Variants in TRPC4 observed in about 807,000 individuals in gnomAD.
The protein encoded by TRPC4 is short transient receptor potential channel 4.
A neutral mutation model predicts 99.4 loss-of-function variants in TRPC4; 49 were observed. The observed-to-expected ratio is 0.49, with a 90% CI of 0.39 to 0.63. The LOEUF is 0.63. Among genes scored for constraint, TRPC4 ranks in the 20% least tolerant of loss-of-function variants. The pLI, the probability that TRPC4 is intolerant of heterozygous loss-of-function variation, is 0.00. For missense variants in TRPC4, 898 were observed against 1,152.9 expected, an observed-to-expected ratio of 0.78 and a Z score of 3.20; for synonymous variants, 454 against 425.9, an observed-to-expected ratio of 1.07 and a Z score of -0.81.
intron 1 of TRPC4, among the ~76,000 whole-genome samples, chr13:37,834,064 T>G (rs1958494828): frequency 6.6e-6 from 1 of 152,206 alleles, no homozygotes; most frequent in Non-Finnish European, 1.5e-5. Context: ...TCACATAAAT[T>G]TAGTTCATCA....
intron 3 of TRPC4, among the ~76,000 whole-genome samples, chr13:37,707,316 T>C (rs998199899): frequency 2.0e-5 from 3 of 152,168 alleles, no homozygotes; most frequent in African/African-American, 7.2e-5. Context: ...AAGCAACTTG[T>C]ATGTTTTGAG....
In TRPC4 at chr13:37,825,522, T is replaced by C. The variant is rs1199149450; in HGVS notation, c.-27-42162A>G. On this transcript the variant is annotated intron_variant, in intron 1 of 10. Coordinates refer to ENST00000379705, the MANE Select transcript of TRPC4 (RefSeq NM_016179.4). ...AACATCTTTATTTCTGCCTTCATTT[T>C]GTTATGTACCCAGTAGTCATTCAGG... Among the ~76,000 whole-genome samples, 4 of 151,804 alleles carry C rather than the reference T, an allele frequency of 2.6e-5. No individual in the cohort carries two copies. The South Asian group carries it at 6.2e-4, about 24-fold the overall frequency.
In TRPC4 at chr13:37,634,519, C is replaced by G. The variant is rs1951462284; in HGVS notation, c.*2384G>C. 6.6e-6 allele frequency among the ~76,000 whole-genome samples: 1 copy of G among 151,926 alleles called. No individual in the cohort carries two copies. Among genetic ancestry groups the G allele is most frequent in the Admixed American group, 6.6e-5 (1 of 15,218 alleles). On this transcript the variant is annotated 3_prime_UTR_variant, in exon 11 of 11. Coordinates refer to ENST00000379705, the MANE Select transcript of TRPC4 (RefSeq NM_016179.4). ...TACATTCCTCTATTACCATCATGTC[C>G]CCCTATAAAATGTCAGCACCTTAAC...
chr13:37,811,559 C>T (rs1362208083), intron 1 of TRPC4, among the ~76,000 whole-genome samples: 1 of 152,024 alleles, frequency 6.6e-6, no homozygotes, highest in Non-Finnish European at 1.5e-5. Context: ...GACAAAGTAC[C>T]AGAGAGGAGA....
rs1336112716 is a variant in TRPC4, at chr13:37,649,759, AAC to A, written c.2079+1504_2079+1505del. 4.6e-3 allele frequency among the ~76,000 whole-genome samples: 376 copies of A among 82,104 alleles called. 9 individuals are homozygous for A. The highest frequency in any genetic ancestry group is 8.9e-3 in the African/African-American group (217 of 24,270). The allele number at this position is 82,104 out of a possible 152,430, so 53.9% of individuals were successfully genotyped here. On this transcript the variant is annotated intron_variant, in intron 8 of 10. Coordinates refer to ENST00000379705, the MANE Select transcript of TRPC4 (RefSeq NM_016179.4). Reference sequence around the variant, plus strand: ...AAAAAAAAAAAAAAAAAAAAAAAAAAACAACAACAAAGAACTAAGCTATTACA... The same window carrying A: ...AAAAAAAAAAAAAAAAAAAAAAAAAAAACAACAAAGAACTAAGCTATTACA...
chr13:37,842,366 A>AAAAGG (rs1958764881), intron 1 of TRPC4, among the ~76,000 whole-genome samples: 1 of 142,886 alleles, frequency 7.0e-6, no homozygotes, highest in African/African-American at 2.6e-5. Context: ...AAAAAAAAAA[A>AAAAGG]AAAAGGAAAA....
chr13:37,694,221 G>C (rs1953833859), intron 3 of TRPC4, among the ~76,000 whole-genome samples: 1 of 152,000 alleles, frequency 6.6e-6, no homozygotes, highest in South Asian at 2.1e-4. Context: ...GAAAAGTCTT[G>C]ATAAAAGAGA....
intron 5 of TRPC4, among the ~76,000 whole-genome samples, chr13:37,670,626 C>T (rs911254447): frequency 3.9e-5 from 6 of 152,208 alleles, no homozygotes; most frequent in African/African-American, 1.4e-4. Flanking sequence ...GTCCAATCTT[C>T]TATCATCTTC....
chr13:37,758,274 T>G (rs917099975), intron 2 of TRPC4, among the ~76,000 whole-genome samples: 2 of 151,816 alleles, frequency 1.3e-5, no homozygotes, highest in Admixed American at 6.6e-5. Flanking sequence ...AAAATAATTG[T>G]TAGTATGTTG....
intron 1 of TRPC4, among the ~76,000 whole-genome samples, chr13:37,831,356 A>G (rs888131218): frequency 1.3e-5 from 2 of 152,260 alleles, no homozygotes; most frequent in African/African-American, 2.4e-5. Context: ...ATCTGTTAGA[A>G]TATCAATTAT....
chr13:37,797,120 C>T (rs1001669265), intron 1 of TRPC4, among the ~76,000 whole-genome samples: 2 of 151,608 alleles, frequency 1.3e-5, no homozygotes, highest in East Asian at 1.9e-4. Context: ...GTCCAGACTA[C>T]AGTAAGCTGT....
intron 3 of TRPC4, among the ~76,000 whole-genome samples, chr13:37,732,804 G>T (rs1955280351): frequency 6.6e-6 from 1 of 152,116 alleles, no homozygotes; most frequent in African/African-American, 2.4e-5. Flanking sequence ...ACTGATGAAA[G>T]AAATAGTAGA....
intron 1 of TRPC4, among the ~76,000 whole-genome samples, chr13:37,833,114 T>G (rs1381723640): frequency 1.3e-5 from 2 of 152,174 alleles, no homozygotes; most frequent in Non-Finnish European, 2.9e-5. Context: ...TTGGTGCTTT[T>G]GCTTCACAGA....
chr13:37,692,182 G>A lies in TRPC4; in HGVS notation c.1051C>T (p.Pro351Ser). 6.2e-7 allele frequency: 1 copy of A among 1,614,052 alleles called. No individual in the cohort carries two copies. The highest frequency in any genetic ancestry group is 8.5e-7 in the Non-Finnish European group (1 of 1,180,000). Reference sequence around the variant, plus strand: ...ATGAACAGTCCAAGTGGGCTTTTGGGAGCTATCAGGTAGCACACAGAGAAG... The same window carrying A: ...ATGAACAGTCCAAGTGGGCTTTTGGAAGCTATCAGGTAGCACACAGAGAAG... ...PVFSVCYLIA[P>S]KSPLGLFIRK... The change falls in exon 4 of 11, where the codon CCC becomes TCC. Residue 351 changes from proline (P) to serine (S), a missense_variant. By Grantham distance (74) the Pro-to-Ser change is moderately conservative. Coordinates refer to ENST00000379705, the MANE Select transcript of TRPC4 (RefSeq NM_016179.4).
In TRPC4 at chr13:37,769,218, G is replaced by C. The variant is rs559501233; in HGVS notation, c.378+13738C>G. 1.8e-4 allele frequency among the ~76,000 whole-genome samples: 28 copies of C among 151,430 alleles called. No individual in the cohort carries two copies. The East Asian group carries it at 5.3e-3, about 29-fold the overall frequency. ...TTAAGTTTTTGCCAGCCAGATGTTTGAAACTATACATATATTTTTGAAAGC... is the reference window on the plus strand; with the variant it reads ...TTAAGTTTTTGCCAGCCAGATGTTTCAAACTATACATATATTTTTGAAAGC... On this transcript the variant is annotated intron_variant, in intron 2 of 10. Transcript: ENST00000379705.
chr13:37,649,474 C>T (rs372009691), intron 8 of TRPC4, among the ~76,000 whole-genome samples: 11 of 151,976 alleles, frequency 7.2e-5, no homozygotes, highest in East Asian at 5.8e-4. Flanking sequence ...GTGGCTCACG[C>T]CTGTAATCCC....
At chr13:37,650,025 T>C (rs1872862770) in intron 8 of TRPC4, among the ~76,000 whole-genome samples, 1 of 152,080 alleles carries the variant, frequency 6.6e-6, no homozygotes, top group African/African-American at 2.4e-5. Flanking sequence ...TTTGTAACAT[T>C]CACTTGCCAG....
At chr13:37,673,546 G>GA (rs1952937535) in intron 5 of TRPC4, among the ~76,000 whole-genome samples, 2 of 151,864 alleles carry the variant, frequency 1.3e-5, no homozygotes, top group Admixed American at 1.3e-4. Context: ...GGGGGAAAAG[G>GA]AAAATCAGTG....
intron 3 of TRPC4, among the ~76,000 whole-genome samples, chr13:37,738,711 G>C (rs1158885840): frequency 6.6e-6 from 1 of 152,140 alleles, no homozygotes; most frequent in African/African-American, 2.4e-5. Flanking sequence ...CTGATATAAA[G>C]GCCTAGAAGG....
Sources: allele counts gnomAD v4.1 joint callset (sites outside exome capture counted in the v4.1 genomes callset), GRCh38; gene constraint gnomAD v4.1.1; transcripts MANE v1.5; gene names NCBI Gene and HGNC (gene_info 2026-07-23, HGNC 2026-07-21).